Variants in KIAA2012 observed in about 807,000 individuals in gnomAD.
The protein encoded by KIAA2012 is uncharacterized protein KIAA2012.
In KIAA2012, 125 loss-of-function variants were observed where a neutral mutation model predicts 150.6. The observed-to-expected ratio is 0.83, with a 90% CI of 0.72 to 0.96. KIAA2012 has a LOEUF of 0.96. KIAA2012 is among the 40% of genes least tolerant of loss of function. KIAA2012 has a pLI of 0.00. For synonymous variants in KIAA2012, 462 were observed against 504.7 expected (o/e 0.92, Z 1.13); for missense variants, 1,219 against 1,354.9 (o/e 0.90, Z 1.57).
chr2:202,166,829 G>A (rs1469256855), intron 15 of KIAA2012, among the ~76,000 whole-genome samples: 1 of 152,160 alleles, frequency 6.6e-6, no homozygotes, highest in Non-Finnish European at 1.5e-5. Flanking sequence ...TAGACTTGGT[G>A]AGAACACTTC....
At chr2:202,129,221 A>ATTT (rs201747950) in intron 12 of KIAA2012, among the ~76,000 whole-genome samples, 5 of 144,548 alleles carry the variant, frequency 3.5e-5, no homozygotes, top group African/African-American at 7.7e-5. Context: ...AAGTTTCACA[A>ATTT]TTTTTTTTTT....
rs201742463 is a variant in KIAA2012 at position 202,132,736 on chromosome 2, TGTATATATATA to T, written c.1832-5687_1832-5677del. ...TATATGTATATATATATAGTATATA[TGTATATATATA>T]GTATATATGTATATATATACATATA... On this transcript the variant is annotated intron_variant, in intron 12 of 23. Transcript: ENST00000498697. Among the ~76,000 whole-genome samples the T allele has an allele frequency of 8.3e-4, 74 of 88,758 alleles. 1 individual carries two copies. Among genetic ancestry groups the T allele is most frequent in the Admixed American group, 1.2e-3 (8 of 6,936 alleles). The allele number at this position is 88,758 out of a possible 152,430, so 58.2% of individuals were successfully genotyped here. A position where few individuals can be genotyped will look rare whatever the true frequency, so the allele number is the denominator to read the frequency against.
chr2:202,126,281 G>A (rs1253450990), intron 12 of KIAA2012, among the ~76,000 whole-genome samples: 1 of 152,172 alleles, frequency 6.6e-6, no homozygotes, highest in East Asian at 1.9e-4. Flanking sequence ...GGGCTGGGCA[G>A]CAATGAATCC....
intron 7 of KIAA2012, 38 bp downstream of exon 7, chr2:202,100,487 G>A: frequency 6.6e-7 from 1 of 1,510,270 alleles, no homozygotes; most frequent in Non-Finnish European, 8.9e-7. Context: ...ACAGGAGAGA[G>A]AGAGAGGAGG....
chr2:202,141,824 G>T (rs1282743796), intron 13 of KIAA2012, among the ~76,000 whole-genome samples: 1 of 152,100 alleles, frequency 6.6e-6, no homozygotes, highest in Non-Finnish European at 1.5e-5. Flanking sequence ...AGGCCTCTCT[G>T]TGTAGAGGCC....
chr2:202,095,260 T>C (rs1455095314), intron 4 of KIAA2012, among the ~76,000 whole-genome samples: 1 of 152,224 alleles, frequency 6.6e-6, no homozygotes, highest in African/African-American at 2.4e-5. Context: ...CCCTGACTGA[T>C]GTTTTCATTT....
At chr2:202,119,894 C>G (rs1346216309) in intron 11 of KIAA2012, among the ~76,000 whole-genome samples, 3 of 152,172 alleles carry the variant, frequency 2.0e-5, no homozygotes, top group South Asian at 2.1e-4. Context: ...ATGGGAGGAA[C>G]CCGGTGGGAG....
chr2:202,149,922 A>G (rs563812832), intron 13 of KIAA2012, among the ~76,000 whole-genome samples: 18 of 152,354 alleles, frequency 1.2e-4, no homozygotes, highest in Admixed American at 1.0e-3. Flanking sequence ...TTATAATCCA[A>G]GAGTAAGAAA....
intron 10 of KIAA2012, among the ~76,000 whole-genome samples, chr2:202,112,638 G>A (rs1464989746): frequency 6.6e-6 from 1 of 152,214 alleles, no homozygotes; most frequent in East Asian, 1.9e-4. Flanking sequence ...AAGAGTGTCA[G>A]AACTGAATTA....
intron 15 of KIAA2012, among the ~76,000 whole-genome samples, chr2:202,170,508 A>C (rs1243805703): frequency 6.6e-6 from 1 of 152,146 alleles, no homozygotes; most frequent in Admixed American, 6.5e-5. Context: ...CTCAGCATAC[A>C]CTTGCTGATC....
chr2:202,181,134 T>G (rs1476068589), intron 15 of KIAA2012, among the ~76,000 whole-genome samples: 1 of 152,096 alleles, frequency 6.6e-6, no homozygotes, highest in Non-Finnish European at 1.5e-5. Flanking sequence ...CATGCCCAGC[T>G]GATTTTTCTA....
chr2:202,155,378 T>C (rs754490120), intron 14 of KIAA2012, among the ~76,000 whole-genome samples: 1 of 152,164 alleles, frequency 6.6e-6, no homozygotes, highest in Non-Finnish European at 1.5e-5. Flanking sequence ...CACCCCAGCA[T>C]CGAACACAGT....
Position 202,099,682 on chromosome 2 carries a change from AC to A in KIAA2012, c.900del (p.Ser301ProfsTer43). 1 of 1,550,392 alleles carries A rather than the reference AC, an allele frequency of 6.4e-7. No individual in the cohort carries two copies. Among genetic ancestry groups the A allele is most frequent in the East Asian group, 2.4e-5 (1 of 40,910 alleles). On this transcript the variant is annotated frameshift_variant, in exon 6 of 24. Coordinates refer to ENST00000498697, the MANE Select transcript of KIAA2012 (RefSeq NM_001277372.4). LOFTEE classifies it high-confidence loss of function. ...GAGCTACAATGAAAAGACACAGCAA[AC>A]CTCCAGGAAGGCCTTTGGGCATGGC... ...KESYNEKTQQ[T>X]SRKAFGHGRI...
intron 19 of KIAA2012, 137 bp downstream of exon 19, chr2:202,190,630 T>C: frequency 1.4e-6 from 1 of 693,510 alleles, no homozygotes; most frequent in South Asian, 2.2e-5. Flanking sequence ...TTGTTCTACT[T>C]TGGTATCTTC....
At chr2:202,148,558 G>A (rs1691351121) in intron 13 of KIAA2012, among the ~76,000 whole-genome samples, 1 of 152,096 alleles carries the variant, frequency 6.6e-6, no homozygotes, top group Admixed American at 6.5e-5. Flanking sequence ...ACCTCACGTG[G>A]CCAAGAAGAG....
intron 13 of KIAA2012, among the ~76,000 whole-genome samples, chr2:202,151,047 C>T (rs1398886491): frequency 6.6e-6 from 1 of 152,126 alleles, no homozygotes; most frequent in East Asian, 1.9e-4. Context: ...GCAGACAGGC[C>T]TAGAAATCAG....
At chr2:202,134,779 T>C (rs974530550) in intron 12 of KIAA2012, among the ~76,000 whole-genome samples, 2 of 152,210 alleles carry the variant, frequency 1.3e-5, no homozygotes, top group East Asian at 3.8e-4. Context: ...AGTCTCAAAC[T>C]CCTGACCTCA....
Position 202,133,079 on chromosome 2 carries a change from TG to T in KIAA2012, c.1832-5350del, listed in dbSNP as rs895432121. Among the ~76,000 whole-genome samples, 18 of 125,394 alleles carry T rather than the reference TG, an allele frequency of 1.4e-4. 1 individual carries two copies. Among genetic ancestry groups the T allele is most frequent in the Admixed American group, 1.3e-3 (15 of 11,292 alleles). The allele number at this position is 125,394 out of a possible 152,430, so 82.3% of individuals were successfully genotyped here. On this transcript the variant is annotated intron_variant, in intron 12 of 23. Transcript: ENST00000498697. ...AAGATCGTGCCACTGCACTCCAGCC[TG>T]GGCGACAGTGTGAGACTGTCTAAAA...
At chr2:202,139,403 A>G (rs1691151165) in intron 13 of KIAA2012, among the ~76,000 whole-genome samples, 1 of 152,118 alleles carries the variant, frequency 6.6e-6, no homozygotes, top group Non-Finnish European at 1.5e-5. Context: ...GCCTCGGAGA[A>G]CCTGAGGCAG....
Sources: allele counts gnomAD v4.1 joint callset (sites outside exome capture counted in the v4.1 genomes callset), GRCh38; gene constraint gnomAD v4.1.1; transcripts MANE v1.5; gene names NCBI Gene and HGNC (gene_info 2026-07-23, HGNC 2026-07-21).